Variants in C1QTNF5 observed in about 807,000 individuals in gnomAD.
C1QTNF5 encodes complement C1q tumor necrosis factor-related protein 5.
A neutral mutation model predicts 10.9 loss-of-function variants in C1QTNF5; 5 were observed. That is an observed-to-expected ratio of 0.46 (90% CI 0.24 to 0.97). The LOEUF (loss-of-function observed/expected upper bound fraction) is 0.97. Ranked by LOEUF, C1QTNF5 falls within the 50% of genes least tolerant of loss-of-function variation. C1QTNF5 has a pLI of 0.19. For missense variants in C1QTNF5, 281 were observed against 339.4 expected (o/e 0.83, Z 1.35); for synonymous variants, 161 against 156.5 (o/e 1.03, Z -0.22).
chr11:119,344,010 C>T (rs773500026), upstream of C1QTNF5: 6 of 1,607,270 alleles, frequency 3.7e-6, no homozygotes, highest in African/African-American at 2.7e-5. Flanking sequence ...CTTCTCCTGT[C>T]TCATCCCGGG....
chr11:119,345,471 C>T (rs1484618651), upstream of C1QTNF5: 5 of 1,614,066 alleles, frequency 3.1e-6, no homozygotes, highest in Admixed American at 8.3e-5. Flanking sequence ...ATCAAAAAGG[C>T]AAGAGGCCAC....
At chr11:119,342,959 T>G (rs529813598), upstream of C1QTNF5, 61 of 1,611,568 alleles carry the variant, frequency 3.8e-5, 1 homozygote, top group South Asian at 6.2e-4. Flanking sequence ...AGCCAGCTCA[T>G]GGTGCGAGGA....
In C1QTNF5 at chr11:119,339,807, C is replaced by T. The variant is rs753440856; in HGVS notation, c.256G>A (p.Ala86Thr). 2.0e-6 allele frequency: 3 copies of T among 1,524,236 alleles called. No homozygotes were observed. The highest frequency in any genetic ancestry group is 4.0e-5 in the Admixed American group (2 of 49,390). The allele number at this position is 1,524,236 out of a possible 1,614,324, so 94.4% of individuals were successfully genotyped here. A position where few individuals can be genotyped will look rare whatever the true frequency, so the allele number is the denominator to read the frequency against. Reference sequence around the variant, plus strand: ...GGCCCGGTGGGCCCCGCGGGTCCCGCCTCTCCTCGCGGCCCGGGGTCCCCT... The same window carrying T: ...GGCCCGGTGGGCCCCGCGGGTCCCGTCTCTCCTCGCGGCCCGGGGTCCCCT... Reference protein sequence around the residue: ...PRGDPGPRGEAGPAGPTGPAG... With the variant: ...PRGDPGPRGETGPAGPTGPAG... Residue 86 changes from alanine to threonine, a missense_variant, in exon 3 of 3, where the codon GCG becomes ACG. Ala to Thr is a moderately conservative substitution (Grantham distance 58, BLOSUM62 0). Transcript: ENST00000528368. This position sits in a 1 kb window ranked among gnomAD's most constrained non-coding sequence, Gnocchi z 5.4.
chr11:119,344,518 A>C, upstream of C1QTNF5: 1 of 1,589,660 alleles, frequency 6.3e-7, no homozygotes, highest in Non-Finnish European at 8.6e-7. Context: ...CCAAAGAATG[A>C]CTGAGCAGGA....
rs1565291017 is a variant in C1QTNF5 at position 119,339,766 on chromosome 11, C to A, written c.297G>T (p.Ser99=). 1.3e-6 allele frequency: 2 copies of A among 1,577,992 alleles called. No homozygotes were observed. The highest frequency in any genetic ancestry group is 2.3e-5 in the East Asian group (1 of 43,782). The change falls in exon 3 of 3, where the codon TCG becomes TCT. Residue 99 remains serine (S), a synonymous_variant. Transcript: ENST00000528368. The surrounding 1 kb of genome is among the most constrained non-coding windows in gnomAD (Gnocchi z 5.4). ...AGPTGPAGEC[S]VPPRSAFSAK... is the part of the protein sequence containing the mutation. ...CGCTGAAGGCGGATCGCGGAGGCAC[C>A]GAGCACTCCCCGGCAGGCCCGGTGG...
chr11:119,344,258 G>A, upstream of C1QTNF5: 2 of 1,496,028 alleles, frequency 1.3e-6, 1 homozygote, highest in African/African-American at 2.8e-5. Flanking sequence ...ACACTAACTT[G>A]GGGATCAGGT....
At position 119,340,281 on chromosome 11, in the gene C1QTNF5, GC is replaced by G; in HGVS notation, c.116del (p.Gly39AlafsTer92). ...CCGGCAAGCCCTGGCTGCCATGGTG[GC>G]CCGGCGTGCCTGGAAGGCCGGGGTG... ...PGHPGLPGTP[G>X]HHGSQGLPGR... On this transcript the variant is annotated frameshift_variant, in exon 2 of 3. Coordinates refer to ENST00000528368, the MANE Select transcript of C1QTNF5 (RefSeq NM_001278431.2). LOFTEE classifies it high-confidence loss of function. 1 of 1,530,594 alleles carries G rather than the reference GC, an allele frequency of 6.5e-7. No homozygotes were observed. The highest frequency in any genetic ancestry group is 8.8e-7 in the Non-Finnish European group (1 of 1,140,552). 94.8% of individuals were successfully genotyped at this position (1,530,594 alleles called of 1,614,324 possible).
upstream of C1QTNF5, chr11:119,345,009 A>C (rs1950545795): frequency 1.2e-5 from 20 of 1,602,506 alleles, no homozygotes; most frequent in East Asian, 4.5e-4. Context: ...CAAACCCTGC[A>C]AGAAGCCAGG....
chr11:119,340,081 G>A, intron 2 of C1QTNF5, 103 bp downstream of exon 2: 2 of 1,366,416 alleles, frequency 1.5e-6, no homozygotes, highest in Non-Finnish European at 1.9e-6. Context: ...CGCGGGGAGT[G>A]GCGCCCCCTG....
upstream of C1QTNF5, chr11:119,341,738 C>T (rs767870051): frequency 4.5e-5 from 73 of 1,613,266 alleles, no homozygotes; most frequent in South Asian, 2.2e-4. Context: ...CAGGAGCCTC[C>T]GGAAATGCTG....
chr11:119,342,787 G>C (rs2135369263), upstream of C1QTNF5: 1 of 1,613,050 alleles, frequency 6.2e-7, no homozygotes, highest in East Asian at 2.2e-5. Flanking sequence ...AGTACCCCCA[G>C]AGTGTCCTGA....
chr11:119,345,512 C>A, upstream of C1QTNF5: 4 of 1,614,104 alleles, frequency 2.5e-6, no homozygotes, highest in Non-Finnish European at 3.4e-6. Flanking sequence ...CGATCTTGAG[C>A]TGTATTGCAT....
At chr11:119,345,596 G>A (rs748084228), upstream of C1QTNF5, 52 of 1,613,710 alleles carry the variant, frequency 3.2e-5, no homozygotes, top group Non-Finnish European at 4.3e-5. Context: ...TAGGGCTGCT[G>A]AAGAAGCCCC....
At position 119,339,852 on chromosome 11, in the gene C1QTNF5, CGG is replaced by C; in HGVS notation, c.215-6_215-5del. On this transcript the variant is annotated splice_region_variant and splice_polypyrimidine_tract_variant and intron_variant, in intron 2 of 2. Coordinates refer to ENST00000528368, the MANE Select transcript of C1QTNF5 (RefSeq NM_001278431.2). This position sits in a 1 kb window ranked among gnomAD's most constrained non-coding sequence, Gnocchi z 5.4. The stretch of plus-strand genomic sequence containing the variant: ...TCCCCTCGAGGTCCCGGCAGTCCTG[CGG>C]GGTAAGCGGGGCGGCAGGGTGAGAG... 1.4e-6 allele frequency: 2 copies of C among 1,467,298 alleles called. No homozygotes were observed. Among genetic ancestry groups the C allele is most frequent in the Non-Finnish European group, 1.8e-6 (2 of 1,117,408 alleles). The allele number at this position is 1,467,298 out of a possible 1,614,324, so 90.9% of individuals were successfully genotyped here.
In C1QTNF5 at chr11:119,339,902, G is replaced by A; in HGVS notation, c.215-54C>T. 1 of 1,430,574 alleles carries A rather than the reference G, an allele frequency of 7.0e-7. No homozygotes were observed. The highest frequency in any genetic ancestry group is 2.6e-5 in the East Asian group (1 of 38,324). 88.6% of individuals were successfully genotyped at this position (1,430,574 alleles called of 1,614,324 possible). A position where few individuals can be genotyped will look rare whatever the true frequency, so the allele number is the denominator to read the frequency against. On this transcript the variant is annotated intron_variant, in intron 2 of 2. Coordinates refer to ENST00000528368, the MANE Select transcript of C1QTNF5 (RefSeq NM_001278431.2). This position sits in a 1 kb window ranked among gnomAD's most constrained non-coding sequence, Gnocchi z 5.4. ...GAGTAGCGGCGGCTCAGCCCGCAGC[G>A]GGGCGGCGACTCTAAGGTCACCGTA...
chr11:119,344,227 G>T, upstream of C1QTNF5: 3 of 1,280,286 alleles, frequency 2.3e-6, no homozygotes, highest in Non-Finnish European at 3.4e-6. Flanking sequence ...AGAAGGTAGT[G>T]TCTACCATGC....
At chr11:119,342,868 C>T (rs367859225), upstream of C1QTNF5, 24 of 1,613,134 alleles carry the variant, frequency 1.5e-5, no homozygotes, top group South Asian at 1.5e-4. Flanking sequence ...CCCAGGGGCA[C>T]CTACTCTCCG....
In C1QTNF5 at chr11:119,339,168, C is replaced by T. The variant is rs1207106569; in HGVS notation, c.*163G>A. The T allele has an allele frequency of 1.3e-6, 1 of 761,034 alleles. No homozygotes were observed. The highest frequency in any genetic ancestry group is 1.8e-5 in the African/African-American group (1 of 56,974). The allele number at this position is 761,034 out of a possible 1,614,324, so 47.1% of individuals were successfully genotyped here. Reference sequence around the variant, plus strand: ...TGCTGCCAGACCTGATCGCAGACAGCCACTGTTCCCATTCCTTGCCAGCAG... The same window carrying T: ...TGCTGCCAGACCTGATCGCAGACAGTCACTGTTCCCATTCCTTGCCAGCAG... On this transcript the variant is annotated 3_prime_UTR_variant, in exon 3 of 3. Transcript: ENST00000528368. This position sits in a 1 kb window ranked among gnomAD's most constrained non-coding sequence, Gnocchi z 5.4.
rs1004893867 is a variant in C1QTNF5, at chr11:119,339,249, G to T, written c.*82C>A. On this transcript the variant is annotated 3_prime_UTR_variant, in exon 3 of 3. Coordinates refer to ENST00000528368, the MANE Select transcript of C1QTNF5 (RefSeq NM_001278431.2). The surrounding 1 kb of genome is among the most constrained non-coding windows in gnomAD (Gnocchi z 5.4). ...TAGTCATTCACAATATTCCAGGGGG[G>T]CCAGCCCTCCTGGATGACCTGGTTG... 19 of 1,487,884 alleles carry T rather than the reference G, an allele frequency of 1.3e-5. No individual in the cohort carries two copies. Among genetic ancestry groups the T allele is most frequent in the Non-Finnish European group, 1.6e-5 (18 of 1,093,824 alleles). The allele number at this position is 1,487,884 out of a possible 1,614,324, so 92.2% of individuals were successfully genotyped here. A position where few individuals can be genotyped will look rare whatever the true frequency, so the allele number is the denominator to read the frequency against.
Sources: allele counts gnomAD v4.1 joint callset, GRCh38; gene constraint gnomAD v4.1.1; non-coding constraint Gnocchi (gnomAD v3.1); transcripts MANE v1.5; gene names NCBI Gene and HGNC (gene_info 2026-07-23, HGNC 2026-07-21).